The following SGCZ variants were observed in gnomAD, a reference collection of about 807,000 sequenced individuals.
The protein encoded by SGCZ is zeta-sarcoglycan.
SGCZ carries 40 observed loss-of-function variants against 41.3 expected under a neutral mutation model. The observed-to-expected ratio is 0.97, with a 90% CI of 0.75 to 1.26. SGCZ has a LOEUF of 1.26. Ranked by LOEUF, SGCZ falls within the 50% of genes most tolerant of loss-of-function variation. SGCZ has a pLI of 0.00. For missense variants in SGCZ, 552 were observed against 369.8 expected (o/e 1.49, Z -4.04); for synonymous variants, 206 against 137.5 (o/e 1.50, Z -3.49).
intron 2 of SGCZ, among the ~76,000 whole-genome samples, chr8:14,464,060 G>A (rs895463456): frequency 1.6e-4 from 25 of 151,518 alleles, no homozygotes; most frequent in African/African-American, 6.1e-4. Context: ...TGTTCATAAG[G>A]AATACTTGTC....
intron 1 of SGCZ, among the ~76,000 whole-genome samples, chr8:15,119,723 T>C (rs1210838597): frequency 6.6e-6 from 1 of 152,148 alleles, no homozygotes; most frequent in Non-Finnish European, 1.5e-5. Context: ...TTAGCAGAAC[T>C]TTACTGCTTG....
chr8:14,821,801 T>G (rs369918224), intron 1 of SGCZ, among the ~76,000 whole-genome samples: 1 of 151,972 alleles, frequency 6.6e-6, no homozygotes, highest in Admixed American at 6.6e-5. Context: ...AAATTAGGTA[T>G]AAATGGCAAA....
intron 1 of SGCZ, among the ~76,000 whole-genome samples, chr8:15,221,285 T>A (rs1014821787): frequency 2.0e-5 from 3 of 152,116 alleles, no homozygotes; most frequent in African/African-American, 7.2e-5. Flanking sequence ...GCAAATGAAA[T>A]AAATCAAACT....
At chr8:14,157,702 T>G (rs1015991263) in intron 5 of SGCZ, among the ~76,000 whole-genome samples, 5 of 152,112 alleles carry the variant, frequency 3.3e-5, no homozygotes, top group Admixed American at 2.6e-4. Flanking sequence ...TCTTACTAGG[T>G]ATCTGGAAAT....
intron 1 of SGCZ, among the ~76,000 whole-genome samples, chr8:14,743,035 T>C (rs1453564345): frequency 6.6e-6 from 1 of 152,154 alleles, no homozygotes; most frequent in Non-Finnish European, 1.5e-5. Flanking sequence ...ACTAATCTGC[T>C]TAATTAACTC....
intron 1 of SGCZ, among the ~76,000 whole-genome samples, chr8:14,781,264 T>C (rs1303989969): frequency 1.1e-4 from 16 of 152,162 alleles, no homozygotes; most frequent in Non-Finnish European, 2.2e-4. Context: ...CAAGGTCTCA[T>C]TGTGTCACCC....
chr8:14,413,273 G>T (rs12544546), intron 2 of SGCZ, among the ~76,000 whole-genome samples: 2 of 151,656 alleles, frequency 1.3e-5, no homozygotes, highest in South Asian at 4.1e-4. Flanking sequence ...AAGGGTACAG[G>T]TTATTCTCAG....
chr8:14,758,939 CA>C (rs1799769972), intron 1 of SGCZ, among the ~76,000 whole-genome samples: 2 of 148,644 alleles, frequency 1.3e-5, no homozygotes, highest in African/African-American at 5.0e-5. Context: ...ACCCAGGAGG[CA>C]GAGGTTGCAG....
chr8:14,108,800 T>C (rs141063758), intron 5 of SGCZ, among the ~76,000 whole-genome samples: 1 of 152,242 alleles, frequency 6.6e-6, no homozygotes, highest in Non-Finnish European at 1.5e-5. Context: ...TTAACCAATT[T>C]TAAAATTAAA....
intron 2 of SGCZ, among the ~76,000 whole-genome samples, chr8:14,496,249 T>G (rs1585593782): frequency 6.7e-6 from 1 of 148,324 alleles, no homozygotes; most frequent in Non-Finnish European, 1.5e-5. Context: ...AATTTTTTTT[T>G]GGAGAGACAA....
At chr8:15,172,710 G>A (rs530654009) in intron 1 of SGCZ, among the ~76,000 whole-genome samples, 71 of 152,142 alleles carry the variant, frequency 4.7e-4, no homozygotes, top group Non-Finnish European at 1.9e-4. Flanking sequence ...ATCTTCCTGG[G>A]ATAGAATTTT....
chr8:14,392,125 T>A (rs950339340), intron 2 of SGCZ, among the ~76,000 whole-genome samples: 36 of 152,150 alleles, frequency 2.4e-4, no homozygotes, highest in African/African-American at 8.4e-4. Flanking sequence ...CTCTTAAATA[T>A]AATATTTCAG....
rs578245222 is a variant in SGCZ at position 15,132,024 on chromosome 8, G to T, written c.39+105561C>A. ...CTTCCAGCCATTTTCTAGAACAAAT[G>T]TATAATCATAATTCTTTCAATGCAT... On this transcript the variant is annotated intron_variant, in intron 1 of 7. Coordinates refer to ENST00000382080, the MANE Select transcript of SGCZ (RefSeq NM_139167.4). 6.6e-5 allele frequency among the ~76,000 whole-genome samples: 10 copies of T among 152,314 alleles called. No individual in the cohort carries two copies. In the Middle Eastern group the frequency reaches 0.01, roughly 155 times the overall value.
At chr8:14,840,678 G>C (rs531237304) in intron 1 of SGCZ, among the ~76,000 whole-genome samples, 1 of 152,074 alleles carries the variant, frequency 6.6e-6, no homozygotes, top group South Asian at 2.1e-4. Context: ...ATCAATTGAG[G>C]ATATCTAAAT....
At chr8:15,190,367 T>C (rs1377882760) in intron 1 of SGCZ, among the ~76,000 whole-genome samples, 2 of 151,980 alleles carry the variant, frequency 1.3e-5, no homozygotes, top group Admixed American at 6.6e-5. Context: ...CATTCATTCA[T>C]CTATTATGTA....
intron 5 of SGCZ, among the ~76,000 whole-genome samples, chr8:14,152,836 C>CA (rs1803752798): frequency 6.6e-6 from 1 of 151,956 alleles, no homozygotes; most frequent in Non-Finnish European, 1.5e-5. Flanking sequence ...TATAGGTTAC[C>CA]AATTAGAAAT....
intron 3 of SGCZ, among the ~76,000 whole-genome samples, chr8:14,301,666 A>G (rs558592519): frequency 2.0e-5 from 3 of 152,236 alleles, no homozygotes; most frequent in Non-Finnish European, 4.4e-5. Flanking sequence ...CATTCAAGGT[A>G]ATATTTATGG....
chr8:14,607,189 T>A (rs559831072), intron 1 of SGCZ, among the ~76,000 whole-genome samples: 9 of 152,242 alleles, frequency 5.9e-5, no homozygotes, highest in African/African-American at 9.6e-5. Context: ...TATACATACA[T>A]ACAAAACAAC....
intron 1 of SGCZ, among the ~76,000 whole-genome samples, chr8:15,087,097 C>T (rs1306663555): frequency 2.3e-4 from 35 of 152,074 alleles, no homozygotes; most frequent in Non-Finnish European, 1.5e-5. Context: ...CACATACCCT[C>T]TCCGTACTTT....
Sources: allele counts gnomAD v4.1 joint callset (sites outside exome capture counted in the v4.1 genomes callset), GRCh38; gene constraint gnomAD v4.1.1; transcripts MANE v1.5; gene names NCBI Gene and HGNC (gene_info 2026-07-23, HGNC 2026-07-21).